STEAP1B: variants seen among roughly 807,000 people sequenced by gnomAD.
The protein encoded by STEAP1B is STEAP family protein MGC87042.
In STEAP1B, 13 loss-of-function variants were observed where a neutral mutation model predicts 27.9. The observed-to-expected ratio is 0.47, with a 90% CI of 0.30 to 0.74. The LOEUF (loss-of-function observed/expected upper bound fraction) is 0.74, where lower values mean the gene tolerates loss of function less well. STEAP1B is among the 30% of genes least tolerant of loss of function. The pLI is 0.06. For missense variants in STEAP1B, 250 were observed against 298.7 expected, an observed-to-expected ratio of 0.84 and a Z score of 1.20; for synonymous variants, 86 against 107.1, an observed-to-expected ratio of 0.80 and a Z score of 1.22.
chr7:22,446,148 G>C (rs547825024), intron 4 of STEAP1B, among the ~76,000 whole-genome samples: 2 of 152,306 alleles, frequency 1.3e-5, no homozygotes, highest in South Asian at 4.1e-4. Context: ...TGAGATGAAG[G>C]AGTTCAAAGA....
chr7:22,458,487 G>A lies in STEAP1B; in HGVS notation c.762+34078C>T, dbSNP rs145761444. On this transcript the variant is annotated intron_variant, in intron 4 of 4. Coordinates refer to ENST00000678116, the MANE Select transcript of STEAP1B (RefSeq NM_001382447.1). Reference sequence around the variant, plus strand: ...ATTTTTTCCCATTTCTGCATTCAGTGACCAGATTTGTAGCTTGAAGTCAGC... The same window carrying A: ...ATTTTTTCCCATTTCTGCATTCAGTAACCAGATTTGTAGCTTGAAGTCAGC... Among the ~76,000 whole-genome samples the A allele has an allele frequency of 4.3e-4, 65 of 152,324 alleles. No homozygotes were observed. The East Asian group carries it at 0.012, about 28-fold the overall frequency.
chr7:22,437,062 AC>A lies in STEAP1B; in HGVS notation c.763-17227del, dbSNP rs1160351915. 4.6e-5 allele frequency among the ~76,000 whole-genome samples: 7 copies of A among 152,382 alleles called. No homozygotes were observed. In the East Asian group the frequency reaches 1.3e-3, roughly 29 times the overall value. ...AGGAAACTATCAACACAGTGAACAG[AC>A]AACATACAGAATGGGAGAAAATTTT... is the stretch of plus-strand genomic sequence containing the variant. On this transcript the variant is annotated intron_variant, in intron 4 of 4. Coordinates refer to ENST00000678116, the MANE Select transcript of STEAP1B (RefSeq NM_001382447.1).
chr7:22,452,426 C>A (rs3114716), intron 4 of STEAP1B, among the ~76,000 whole-genome samples: 9 of 151,550 alleles, frequency 5.9e-5, no homozygotes, highest in African/African-American at 1.2e-4. Flanking sequence ...CAATCCCCCC[C>A]CTCCCCGCGC....
chr7:22,463,578 A>G (rs1039490685), intron 4 of STEAP1B, among the ~76,000 whole-genome samples: 1 of 152,318 alleles, frequency 6.6e-6, no homozygotes, highest in East Asian at 1.9e-4. Flanking sequence ...ACGGTACCCA[A>G]AACAGCATGG....
intron 4 of STEAP1B, among the ~76,000 whole-genome samples, chr7:22,468,927 C>T (rs1299546160): frequency 2.0e-5 from 3 of 152,222 alleles, no homozygotes; most frequent in Non-Finnish European, 2.9e-5. Flanking sequence ...ATGTACAGTA[C>T]ATAATACTTG....
At chr7:22,447,889 T>A (rs1785431587) in intron 4 of STEAP1B, among the ~76,000 whole-genome samples, 1 of 152,216 alleles carries the variant, frequency 6.6e-6, no homozygotes, top group Admixed American at 6.5e-5. Flanking sequence ...CACAAACAGT[T>A]ATCACCATCT....
chr7:22,457,226 T>C (rs1785602874), intron 4 of STEAP1B, among the ~76,000 whole-genome samples: 1 of 151,840 alleles, frequency 6.6e-6, no homozygotes, highest in South Asian at 2.1e-4. Context: ...TAATTGTCTT[T>C]CACTGTAAAC....
intron 4 of STEAP1B, among the ~76,000 whole-genome samples, chr7:22,428,445 T>C (rs564800566): frequency 7.2e-5 from 11 of 152,118 alleles, no homozygotes; most frequent in African/African-American, 2.4e-4. Flanking sequence ...CAAACATTCA[T>C]GCATCATACA....
chr7:22,447,306 GA>G (rs1785423567), intron 4 of STEAP1B, among the ~76,000 whole-genome samples: 1 of 152,198 alleles, frequency 6.6e-6, no homozygotes, highest in South Asian at 2.1e-4. Flanking sequence ...ACAGTTTGGT[GA>G]CAGAGGCCTG....
At chr7:22,430,415 A>T (rs17146887) in intron 4 of STEAP1B, among the ~76,000 whole-genome samples, 12,318 of 152,258 alleles carry the variant, frequency 0.081, 766 homozygotes, top group East Asian at 0.17. Flanking sequence ...CAAGTGCATC[A>T]TTAATCTTAC....
intron 4 of STEAP1B, among the ~76,000 whole-genome samples, chr7:22,444,527 T>C (rs1785380557): frequency 6.6e-6 from 1 of 152,208 alleles, no homozygotes; most frequent in Non-Finnish European, 1.5e-5. Flanking sequence ...ATGGACTCTT[T>C]GCAGACACAC....
chr7:22,424,434 A>C, intron 4 of STEAP1B, among the ~76,000 whole-genome samples: 1 of 152,216 alleles, frequency 6.6e-6, no homozygotes, highest in East Asian at 1.9e-4. Flanking sequence ...ATAATCAGAA[A>C]ATGTAAATTT....
chr7:22,466,168 A>G (rs1374155823), intron 4 of STEAP1B, among the ~76,000 whole-genome samples: 1 of 152,074 alleles, frequency 6.6e-6, no homozygotes, highest in Admixed American at 6.6e-5. Context: ...CCTTTTTTCT[A>G]GTTTTAAATT....
chr7:22,461,491 G>GATC (rs1229362921), intron 4 of STEAP1B, among the ~76,000 whole-genome samples: 1 of 152,146 alleles, frequency 6.6e-6, no homozygotes, highest in Non-Finnish European at 1.5e-5. Context: ...TTGAACTCCT[G>GATC]ACCTCAGGTG....
intron 4 of STEAP1B, among the ~76,000 whole-genome samples, chr7:22,488,949 A>G (rs17146982): frequency 0.32 from 49,318 of 152,044 alleles, 8,146 homozygotes; most frequent in Middle Eastern, 0.46. Context: ...AAGCCATAAA[A>G]ATGACTAGGA....
intron 4 of STEAP1B, among the ~76,000 whole-genome samples, chr7:22,478,738 G>C (rs999701090): frequency 2.0e-5 from 3 of 152,324 alleles, no homozygotes; most frequent in African/African-American, 7.2e-5. Context: ...ACACTGTCTA[G>C]TCCAGTAGCA....
At chr7:22,455,692 C>G (rs1356735275) in intron 4 of STEAP1B, among the ~76,000 whole-genome samples, 1 of 152,220 alleles carries the variant, frequency 6.6e-6, no homozygotes, top group Non-Finnish European at 1.5e-5. Flanking sequence ...AATACATTCA[C>G]AGAGGCAGAA....
chr7:22,447,225 G>A (rs1249965041), intron 4 of STEAP1B, among the ~76,000 whole-genome samples: 1 of 152,056 alleles, frequency 6.6e-6, no homozygotes, highest in African/African-American at 2.4e-5. Context: ...ATTATATTAG[G>A]CACTTTGCAC....
At chr7:22,487,167 C>T (rs1786224414) in intron 4 of STEAP1B, among the ~76,000 whole-genome samples, 3 of 152,206 alleles carry the variant, frequency 2.0e-5, no homozygotes, top group Admixed American at 2.0e-4. Context: ...GGTGCAGTGG[C>T]TCATGCCTGA....
Sources: gnomAD v4.1 joint callset for allele counts (sites outside exome capture counted in the v4.1 genomes callset) on GRCh38, gnomAD v4.1.1 for gene constraint, MANE v1.5 for transcripts, NCBI Gene and HGNC (gene_info 2026-07-23, HGNC 2026-07-21) for gene names.